CNTN5: variants seen among roughly 807,000 people sequenced by gnomAD.
CNTN5 encodes the protein contactin-5.
Under a neutral mutation model 129.1 loss-of-function variants are expected in CNTN5, and 77 were observed. The observed-to-expected ratio is 0.60, with a 90% confidence interval of 0.50 to 0.72. The LOEUF (loss-of-function observed/expected upper bound fraction) is 0.72, where lower values mean the gene tolerates loss of function less well. Ranked by LOEUF, CNTN5 falls within the 30% of genes least tolerant of loss-of-function variation. CNTN5 has a pLI of 0.00. For synonymous variants in CNTN5, 509 were observed against 465.6 expected, an observed-to-expected ratio of 1.09 and a Z score of -1.20; for missense variants, 1,478 against 1,328.8, an observed-to-expected ratio of 1.11 and a Z score of -1.75.
At chr11:100,225,219 C>CA (rs1949346612) in intron 16 of CNTN5, 1 of 152,872 alleles carries the variant, frequency 6.5e-6, no homozygotes, top group African/African-American at 2.4e-5. Context: ...GTTGGGCTTC[C>CA]AAAAACAGAA....
At chr11:99,239,701 C>T (rs537001874) in intron 1 of CNTN5, among the ~76,000 whole-genome samples, 10 of 151,992 alleles carry the variant, frequency 6.6e-5, no homozygotes, top group African/African-American at 1.9e-4. Context: ...TTTGGGAGGC[C>T]GAGGCGGGCG....
rs554029425 is a variant in CNTN5, at chr11:99,906,478, C to T, written c.578-9576C>T. On this transcript the variant is annotated intron_variant, in intron 6 of 24. Transcript: ENST00000524871. ...GCATATGTTGAACCAGCCTTGAATA[C>T]CAGGGATGAAGCTGATCTGATAAGC... 3.3e-5 allele frequency among the ~76,000 whole-genome samples: 5 copies of T among 152,092 alleles called. No homozygotes were observed. In the Middle Eastern group the frequency reaches 0.01, roughly 310 times the overall value.
chr11:99,756,909 G>A (rs1338051577), intron 3 of CNTN5, among the ~76,000 whole-genome samples: 2 of 129,792 alleles, frequency 1.5e-5, no homozygotes, highest in South Asian at 3.3e-4. Flanking sequence ...GAAAACAATA[G>A]AGGGTTTTTT....
At chr11:99,746,587 A>G (rs1198187817) in intron 3 of CNTN5, among the ~76,000 whole-genome samples, 2 of 152,112 alleles carry the variant, frequency 1.3e-5, no homozygotes, top group African/African-American at 4.8e-5. Context: ...TTCTCACAGG[A>G]GCAGAGCCCT....
At chr11:99,873,367 A>C (rs1948552468) in intron 6 of CNTN5, among the ~76,000 whole-genome samples, 1 of 152,080 alleles carries the variant, frequency 6.6e-6, no homozygotes, top group African/African-American at 2.4e-5. Context: ...ACTCAACAAG[A>C]AAAAAACTAA....
At chr11:100,136,155 G>T (rs2138231111) in intron 13 of CNTN5, among the ~76,000 whole-genome samples, 1 of 152,210 alleles carries the variant, frequency 6.6e-6, no homozygotes, top group South Asian at 2.1e-4. Context: ...TTAAACCCAG[G>T]ATTGTCAAAG....
At chr11:99,565,864 T>TCTTCC (rs1301525056) in intron 3 of CNTN5, among the ~76,000 whole-genome samples, 1 of 152,170 alleles carries the variant, frequency 6.6e-6, no homozygotes, top group Non-Finnish European at 1.5e-5. Flanking sequence ...AGAAGGGAAG[T>TCTTCC]CTTCCCTTCA....
chr11:99,314,105 C>T (rs896893573), intron 1 of CNTN5, among the ~76,000 whole-genome samples: 2 of 151,002 alleles, frequency 1.3e-5, no homozygotes, highest in African/African-American at 2.4e-5. Flanking sequence ...TTCAATATCC[C>T]AATAGTCAAC....
rs1376180849 is a variant in CNTN5 at position 99,632,990 on chromosome 11, A to T, written c.55+76721A>T. Among the ~76,000 whole-genome samples the T allele has an allele frequency of 2.0e-5, 3 of 152,258 alleles. 1 individual carries two copies. Among genetic ancestry groups the T allele is most frequent in the Middle Eastern group, 6.8e-3 (2 of 294 alleles). On this transcript the variant is annotated intron_variant, in intron 3 of 24. Transcript: ENST00000524871. ...TCTGAACGGAAATGTAACTGTTTGCATGCTAAAAAGATACACCCTCTCCCT... is the reference window on the plus strand; with the variant it reads ...TCTGAACGGAAATGTAACTGTTTGCTTGCTAAAAAGATACACCCTCTCCCT...
chr11:100,191,775 A>G (rs1346789485), intron 14 of CNTN5, among the ~76,000 whole-genome samples: 1 of 151,932 alleles, frequency 6.6e-6, no homozygotes, highest in African/African-American at 2.4e-5. Context: ...TATATAAGCA[A>G]TATTAATATT....
Position 99,819,392 on chromosome 11 carries a change from A to G in CNTN5, c.56-152A>G, listed in dbSNP as rs1946710541. On this transcript the variant is annotated intron_variant, in intron 3 of 24. Coordinates refer to ENST00000524871, the MANE Select transcript of CNTN5 (RefSeq NM_014361.4). ...TTCAGAAAATATTAAAAAATATAAA[A>G]GTAACATTTTTTCACACTCTCACTG... The G allele has an allele frequency of 4.3e-5, 26 of 603,388 alleles. No homozygotes were observed. The East Asian group carries it at 7.7e-4, about 18-fold the overall frequency. The allele number at this position is 603,388 out of a possible 1,614,324, so 37.4% of individuals were successfully genotyped here. A position where few individuals can be genotyped will look rare whatever the true frequency, so the allele number is the denominator to read the frequency against.
At chr11:100,165,534 T>A (rs1465281015) in intron 13 of CNTN5, among the ~76,000 whole-genome samples, 1 of 151,824 alleles carries the variant, frequency 6.6e-6, no homozygotes, top group Non-Finnish European at 1.5e-5. Flanking sequence ...CAGGAAGTAT[T>A]TTTAGGTTTC....
At chr11:99,487,896 A>G (rs1945878516) in intron 2 of CNTN5, among the ~76,000 whole-genome samples, 1 of 152,202 alleles carries the variant, frequency 6.6e-6, no homozygotes, top group African/African-American at 2.4e-5. Context: ...CATAGCCAAG[A>G]GGGCTTACTC....
intron 13 of CNTN5, among the ~76,000 whole-genome samples, chr11:100,122,060 T>G (rs887606286): frequency 6.6e-6 from 1 of 151,890 alleles, no homozygotes; most frequent in Admixed American, 6.6e-5. Context: ...TTCATGAAAT[T>G]ATGGAGTCTG....
intron 13 of CNTN5, among the ~76,000 whole-genome samples, chr11:100,188,618 G>A (rs1427925443): frequency 6.6e-6 from 1 of 152,146 alleles, no homozygotes; most frequent in Non-Finnish European, 1.5e-5. Context: ...GGAGAAGAGG[G>A]AATGTTTACA....
At chr11:100,236,735 C>A (rs769302502) in intron 16 of CNTN5, among the ~76,000 whole-genome samples, 2 of 152,146 alleles carry the variant, frequency 1.3e-5, no homozygotes, top group Non-Finnish European at 2.9e-5. Context: ...TCCCCCGAAG[C>A]TATGCAGAGC....
chr11:100,139,234 G>A (rs1946617099), intron 13 of CNTN5, among the ~76,000 whole-genome samples: 1 of 152,074 alleles, frequency 6.6e-6, no homozygotes, highest in Non-Finnish European at 1.5e-5. Flanking sequence ...TATAATTAAA[G>A]CCCCGGTTTA....
chr11:99,636,798 G>A (rs1174865513), intron 3 of CNTN5, among the ~76,000 whole-genome samples: 1 of 150,860 alleles, frequency 6.6e-6, no homozygotes, highest in Admixed American at 6.6e-5. Flanking sequence ...GGGGATGGAC[G>A]AGATCAGGAG....
chr11:100,199,472 C>T (rs1005043606), intron 15 of CNTN5, among the ~76,000 whole-genome samples: 2 of 151,858 alleles, frequency 1.3e-5, no homozygotes, highest in Admixed American at 6.6e-5. Flanking sequence ...CCCAATCTTT[C>T]ACCTAACTTA....
Sources: gnomAD v4.1 joint callset for allele counts (sites outside exome capture counted in the v4.1 genomes callset) on GRCh38, gnomAD v4.1.1 for gene constraint, MANE v1.5 for transcripts, NCBI Gene and HGNC (gene_info 2026-07-23, HGNC 2026-07-21) for gene names.